HTR2C: variants seen among roughly 807,000 people sequenced by gnomAD.
HTR2C encodes 5-hydroxytryptamine receptor 2C.
In HTR2C, 5 loss-of-function variants were observed where a neutral mutation model predicts 21.0. The observed-to-expected ratio is 0.24, with a 90% CI of 0.12 to 0.50. HTR2C has a LOEUF of 0.50. HTR2C is among the 20% of genes least tolerant of loss of function. The pLI is 0.98. For missense variants in HTR2C, 271 were observed against 371.2 expected, an observed-to-expected ratio of 0.73 and a Z score of 2.22; for synonymous variants, 150 against 145.3, an observed-to-expected ratio of 1.03 and a Z score of -0.23.
chrX:114,767,273 A>T (rs2069956078), intron 4 of HTR2C, among the ~76,000 whole-genome samples: 1 of 111,047 alleles, frequency 9.0e-6, no homozygotes, highest in Non-Finnish European at 1.9e-5. Context: ...CTTAGAGTAT[A>T]CATGGGATAA....
intron 4 of HTR2C, among the ~76,000 whole-genome samples, chrX:114,746,136 A>G (rs781841914): frequency 9.0e-6 from 1 of 111,577 alleles, no homozygotes; most frequent in African/African-American, 3.2e-5. Context: ...AAAATTTAAA[A>G]GCTTCTAAAA....
chrX:114,828,522 C>G (rs934622433), intron 4 of HTR2C, among the ~76,000 whole-genome samples: 1 of 111,692 alleles, frequency 9.0e-6, no homozygotes, highest in Non-Finnish European at 1.9e-5. Context: ...GTATCTTTGA[C>G]ACTTTGAATA....
chrX:114,709,616 T>C (rs1932861434), intron 2 of HTR2C, among the ~76,000 whole-genome samples: 1 of 111,930 alleles, frequency 8.9e-6, no homozygotes, highest in African/African-American at 3.2e-5. Context: ...CTGCCAGAAT[T>C]TGTCCTTGTA....
At chrX:114,648,371 C>T (rs1424029760) in intron 2 of HTR2C, among the ~76,000 whole-genome samples, 1 of 111,496 alleles carries the variant, frequency 9.0e-6, no homozygotes, top group African/African-American at 3.3e-5. Context: ...TTTGGAATAA[C>T]ACGTCCTGGT....
At chrX:114,784,697 G>T (rs2070156882) in intron 4 of HTR2C, among the ~76,000 whole-genome samples, 1 of 108,066 alleles carries the variant, frequency 9.3e-6, no homozygotes, top group South Asian at 4.1e-4. Flanking sequence ...TCAGCTCACT[G>T]CAAGCTCCGC....
At chrX:114,833,351 A>G (rs1440315764) in intron 4 of HTR2C, among the ~76,000 whole-genome samples, 3 of 106,414 alleles carry the variant, frequency 2.8e-5, no homozygotes, top group Non-Finnish European at 5.8e-5. Flanking sequence ...TGGTTGGTAA[A>G]CTATTGATTA....
intron 4 of HTR2C, among the ~76,000 whole-genome samples, chrX:114,758,371 G>A: frequency 9.1e-6 from 1 of 109,594 alleles, no homozygotes; most frequent in Admixed American, 9.9e-5. Context: ...GAACAGCCTG[G>A]GCAACATAGT....
At chrX:114,803,075 G>A (rs781866596) in intron 4 of HTR2C, among the ~76,000 whole-genome samples, 5,165 of 88,177 alleles carry the variant, frequency 0.059, 351 homozygotes, top group African/African-American at 0.2. Flanking sequence ...CATTTTTTAT[G>A]GCTGCATAGT....
At chrX:114,641,935 C>T (rs1247031226) in intron 2 of HTR2C, among the ~76,000 whole-genome samples, 2 of 110,984 alleles carry the variant, frequency 1.8e-5, no homozygotes, top group Non-Finnish European at 3.8e-5. Flanking sequence ...GTGTTGTTCC[C>T]CTCCCTGTGT....
intron 2 of HTR2C, among the ~76,000 whole-genome samples, chrX:114,688,915 G>T (rs1932012747): frequency 1.8e-5 from 2 of 109,407 alleles, no homozygotes; most frequent in African/African-American, 3.3e-5. Flanking sequence ...TGATTTCTGA[G>T]ATTTTGATGC....
intron 2 of HTR2C, 85 bp from the exon 3 acceptor site, chrX:114,726,773 G>A: frequency 2.5e-6 from 1 of 402,662 alleles, no homozygotes; most frequent in Non-Finnish European, 4.3e-6. Context: ...TCACCATTAA[G>A]TGCATTTAAG....
chrX:114,627,999 A>G (rs1350465198), intron 2 of HTR2C, among the ~76,000 whole-genome samples: 1 of 111,531 alleles, frequency 9.0e-6, no homozygotes, highest in African/African-American at 3.3e-5. Flanking sequence ...TGGATCCTGA[A>G]AACAATTTTA....
chrX:114,791,442 G>A (rs2070231385), intron 4 of HTR2C, among the ~76,000 whole-genome samples: 1 of 111,692 alleles, frequency 9.0e-6, no homozygotes, highest in African/African-American at 3.3e-5. Context: ...ATAATCCATT[G>A]CATTGGTATG....
chrX:114,855,183 T>A (rs782444839), intron 5 of HTR2C, among the ~76,000 whole-genome samples: 1 of 111,685 alleles, frequency 9.0e-6, no homozygotes, highest in African/African-American at 3.2e-5. Context: ...TGTGGCAATG[T>A]ACAATCAGAA....
chrX:114,840,769 A>G (rs782446461), intron 4 of HTR2C, among the ~76,000 whole-genome samples: 8 of 111,887 alleles, frequency 7.2e-5, no homozygotes, highest in South Asian at 7.5e-4. Context: ...TATAGATTGA[A>G]GCAGCACCAT....
At chrX:114,836,369 G>A (rs1263234315) in intron 4 of HTR2C, among the ~76,000 whole-genome samples, 4 of 111,902 alleles carry the variant, frequency 3.6e-5, no homozygotes, top group East Asian at 2.8e-4. Context: ...CTCCGTGGGC[G>A]TAGGACCCTC....
chrX:114,842,663 G>C (rs1233460329), intron 4 of HTR2C, among the ~76,000 whole-genome samples: 1 of 111,919 alleles, frequency 8.9e-6, no homozygotes, highest in Admixed American at 9.5e-5. Context: ...ACCTGTGACC[G>C]GGCTGTCCAT....
intron 2 of HTR2C, among the ~76,000 whole-genome samples, chrX:114,672,404 A>G (rs781846715): frequency 2.7e-5 from 3 of 110,910 alleles, no homozygotes; most frequent in Non-Finnish European, 5.7e-5. Context: ...AAAAAATCGT[A>G]TTTCACACCA....
At chrX:114,734,179 T>A (rs1326459800) in intron 4 of HTR2C, among the ~76,000 whole-genome samples, 2 of 110,912 alleles carry the variant, frequency 1.8e-5, no homozygotes, top group African/African-American at 6.6e-5. Context: ...ATATGAAGCT[T>A]AATAAGGAGT....
Sources: gnomAD v4.1 joint callset for allele counts (sites outside exome capture counted in the v4.1 genomes callset) on GRCh38, gnomAD v4.1.1 for gene constraint, MANE v1.5 for transcripts, NCBI Gene and HGNC (gene_info 2026-07-23, HGNC 2026-07-21) for gene names.